Variants in TACR1 observed in about 807,000 individuals in gnomAD.
The protein encoded by TACR1 is tachykinin receptor 1.
Under a neutral mutation model 35.8 loss-of-function variants are expected in TACR1, and 25 were observed. The observed-to-expected ratio is 0.70, with a 90% confidence interval of 0.51 to 0.98. TACR1 has a LOEUF of 0.98. TACR1 is among the 50% of genes least tolerant of loss of function. The pLI is 0.00. For missense variants in TACR1, 478 were observed against 522.9 expected (o/e 0.91, Z 0.84); for synonymous variants, 195 against 206.7 (o/e 0.94, Z 0.48).
chr2:75,049,347 A>G lies in TACR1; in HGVS notation c.*85T>C. The G allele has an allele frequency of 6.9e-7, 1 of 1,451,462 alleles. No individual in the cohort carries two copies. Among genetic ancestry groups the G allele is most frequent in the East Asian group, 2.3e-5 (1 of 43,594 alleles). The allele number at this position is 1,451,462 out of a possible 1,614,324, so 89.9% of individuals were successfully genotyped here. A position where few individuals can be genotyped will look rare whatever the true frequency, so the allele number is the denominator to read the frequency against. ...AAGTCCCAGTGTGAGGGTGTTTCTG[A>G]TGGTTCCAGATGAAGGGAATTTCCA... On this transcript the variant is annotated 3_prime_UTR_variant, in exon 5 of 5. Coordinates refer to ENST00000305249, the MANE Select transcript of TACR1 (RefSeq NM_001058.4).
At chr2:75,075,962 A>G (rs977680324) in intron 2 of TACR1, among the ~76,000 whole-genome samples, 3 of 152,258 alleles carry the variant, frequency 2.0e-5, no homozygotes, top group African/African-American at 7.2e-5. Context: ...TTCAGTGTGT[A>G]TAAAGCAAAT....
intron 2 of TACR1, among the ~76,000 whole-genome samples, chr2:75,056,800 A>C (rs1358570188): frequency 1.3e-5 from 2 of 152,228 alleles, no homozygotes; most frequent in Non-Finnish European, 2.9e-5. Context: ...ACAACAAAAA[A>C]AATGGGCTTA....
At chr2:75,178,815 C>G (rs926021998) in intron 1 of TACR1, among the ~76,000 whole-genome samples, 1 of 152,202 alleles carries the variant, frequency 6.6e-6, no homozygotes, top group South Asian at 2.1e-4. Flanking sequence ...TATTAGTTCT[C>G]TTAACTCACT....
In TACR1 at chr2:75,078,757, C is replaced by T. The variant is rs558813816; in HGVS notation, c.585-25002G>A. Among the ~76,000 whole-genome samples the T allele has an allele frequency of 5.3e-5, 8 of 150,984 alleles. No homozygotes were observed. The South Asian group carries it at 6.4e-4, about 12-fold the overall frequency. On this transcript the variant is annotated intron_variant, in intron 2 of 4. Transcript: ENST00000305249. The stretch of plus-strand genomic sequence containing the variant: ...ATAGTAATTCTAAGTGGTTTTCAAA[C>T]GATGGATATTCCAGGTTTATTTATT...
intron 1 of TACR1, among the ~76,000 whole-genome samples, chr2:75,155,673 G>A (rs1039406445): frequency 6.6e-6 from 1 of 152,222 alleles, no homozygotes; most frequent in Admixed American, 6.5e-5. Flanking sequence ...TATATTTCTT[G>A]TGAAGCTACA....
intron 2 of TACR1, among the ~76,000 whole-genome samples, chr2:75,084,733 C>T (rs1294036073): frequency 6.6e-6 from 1 of 152,110 alleles, no homozygotes; most frequent in South Asian, 2.1e-4. Context: ...TTATAGTATT[C>T]TCTGATGGTA....
chr2:75,158,662 C>A (rs2103986616), intron 1 of TACR1, among the ~76,000 whole-genome samples: 1 of 152,286 alleles, frequency 6.6e-6, no homozygotes, highest in South Asian at 2.1e-4. Flanking sequence ...AGGGAGACAG[C>A]TGAATGTTTG....
intron 2 of TACR1, among the ~76,000 whole-genome samples, chr2:75,076,979 T>C (rs2103825523): frequency 6.6e-6 from 1 of 152,314 alleles, no homozygotes. Context: ...ATTATTATTA[T>C]TATCATTTGA....
intron 1 of TACR1, among the ~76,000 whole-genome samples, chr2:75,128,575 A>G (rs144476390): frequency 6.6e-6 from 1 of 152,306 alleles, no homozygotes; most frequent in Non-Finnish European, 1.5e-5. Context: ...GGATCCTGCC[A>G]TTCACAATAA....
chr2:75,088,549 A>G (rs1266609812), intron 2 of TACR1, among the ~76,000 whole-genome samples: 1 of 152,220 alleles, frequency 6.6e-6, no homozygotes, highest in South Asian at 2.1e-4. Context: ...TAGAGACTCA[A>G]TAAATATTCA....
intron 2 of TACR1, among the ~76,000 whole-genome samples, chr2:75,110,686 T>G (rs900467917): frequency 1.3e-5 from 2 of 152,026 alleles, no homozygotes; most frequent in African/African-American, 2.4e-5. Context: ...TGTGCTTGTA[T>G]AATGCCATTT....
intron 1 of TACR1, among the ~76,000 whole-genome samples, chr2:75,154,799 TA>T (rs11309194): frequency 0.036 from 5,424 of 152,140 alleles, 342 homozygotes; most frequent in African/African-American, 0.12. Flanking sequence ...AAGAGTCCCC[TA>T]AAAGACCTTC....
chr2:75,104,704 G>A (rs78891892), intron 2 of TACR1, among the ~76,000 whole-genome samples: 7,537 of 152,072 alleles, frequency 0.05, 618 homozygotes, highest in African/African-American at 0.17. Context: ...TGACCACAGT[G>A]ATATGAAACT....
At chr2:75,198,047 G>C (rs1477948102) in intron 1 of TACR1, among the ~76,000 whole-genome samples, 1 of 152,118 alleles carries the variant, frequency 6.6e-6, no homozygotes, top group African/African-American at 2.4e-5. Context: ...ACAAACTGGA[G>C]AGTTGCAGTG....
chr2:75,097,043 C>G (rs1673436959), intron 2 of TACR1, among the ~76,000 whole-genome samples: 2 of 152,176 alleles, frequency 1.3e-5, no homozygotes, highest in South Asian at 4.1e-4. Context: ...ATTACTATAG[C>G]ATGTTGCCTC....
At chr2:75,129,907 T>C (rs1674145529) in intron 1 of TACR1, among the ~76,000 whole-genome samples, 1 of 152,156 alleles carries the variant, frequency 6.6e-6, no homozygotes, top group Admixed American at 6.5e-5. Flanking sequence ...GGAATGATAT[T>C]TCCCTGCCTC....
intron 1 of TACR1, among the ~76,000 whole-genome samples, chr2:75,162,940 G>C (rs1249726020): frequency 6.6e-6 from 1 of 152,138 alleles, no homozygotes; most frequent in Non-Finnish European, 1.5e-5. Flanking sequence ...TATTTTCCCT[G>C]TCCTGGTCCC....
At chr2:75,196,322 T>C (rs764982521) in intron 1 of TACR1, among the ~76,000 whole-genome samples, 12 of 151,832 alleles carry the variant, frequency 7.9e-5, no homozygotes, top group Non-Finnish European at 1.5e-4. Context: ...GGGGGTGAGT[T>C]TATAGTGTGC....
At chr2:75,118,060 C>T (rs1673898282) in intron 2 of TACR1, among the ~76,000 whole-genome samples, 1 of 152,172 alleles carries the variant, frequency 6.6e-6, no homozygotes, top group African/African-American at 2.4e-5. Context: ...AAAACACACA[C>T]TCTTCTAATT....
Sources: allele counts gnomAD v4.1 joint callset (sites outside exome capture counted in the v4.1 genomes callset), GRCh38; gene constraint gnomAD v4.1.1; transcripts MANE v1.5; gene names NCBI Gene and HGNC (gene_info 2026-07-23, HGNC 2026-07-21).